Variants in MSH4 observed in about 807,000 individuals in gnomAD.
MSH4 encodes the protein mutS homolog 4, also known as mutS protein homolog 4.
In MSH4, 106 loss-of-function variants were observed where a neutral mutation model predicts 113.7. That is an observed-to-expected ratio of 0.93 (90% CI 0.80 to 1.10). The LOEUF (loss-of-function observed/expected upper bound fraction) is 1.10. MSH4 is among the 50% of genes least tolerant of loss of function. MSH4 has a pLI of 0.00. For synonymous variants in MSH4, 368 were observed against 380.2 expected, an observed-to-expected ratio of 0.97 and a Z score of 0.37; for missense variants, 1,061 against 1,093.7, an observed-to-expected ratio of 0.97 and a Z score of 0.42.
chr1:75,885,869 G>A (rs1201957547), intron 15 of MSH4, among the ~76,000 whole-genome samples: 1 of 126,940 alleles, frequency 7.9e-6, no homozygotes, highest in Non-Finnish European at 1.6e-5. Context: ...TGTATTATAT[G>A]TATTATATAG....
intron 15 of MSH4, among the ~76,000 whole-genome samples, chr1:75,885,057 G>GTATATATATA (rs1440064046): frequency 2.6e-4 from 30 of 114,518 alleles, no homozygotes; most frequent in South Asian, 1.0e-3. Flanking sequence ...GTGTGTGTGT[G>GTATATATATA]TGTATATATA....
chr1:75,852,840 T>A (rs1245248305), intron 8 of MSH4, among the ~76,000 whole-genome samples: 1 of 152,184 alleles, frequency 6.6e-6, no homozygotes, highest in East Asian at 1.9e-4. Context: ...CTTGATTATA[T>A]GCATGTTAAT....
intron 15 of MSH4, among the ~76,000 whole-genome samples, chr1:75,887,190 G>A (rs78556436): frequency 0.22 from 33,553 of 151,848 alleles, 4,360 homozygotes; most frequent in Middle Eastern, 0.35. Context: ...AGATCATGGG[G>A]GGCGGTTTCC....
At position 75,799,354 on chromosome 1, in the gene MSH4, C is replaced by T. The variant is rs566037744; in HGVS notation, c.244+2125C>T. Among the ~76,000 whole-genome samples the T allele has an allele frequency of 5.4e-4, 82 of 152,146 alleles. 1 individual carries two copies. In the South Asian group the frequency reaches 0.016, roughly 30 times the overall value. Reference sequence around the variant, plus strand: ...ACAAAGGTTCAAATTATGTTAGCAGCTGGGGATAATAATCTGTGCTCTCAA... The same window carrying T: ...ACAAAGGTTCAAATTATGTTAGCAGTTGGGGATAATAATCTGTGCTCTCAA... On this transcript the variant is annotated intron_variant, in intron 1 of 19. Transcript: ENST00000263187.
rs528644378 is a variant in MSH4, at chr1:75,834,938, A to C, written c.1162+12357A>C. On this transcript the variant is annotated intron_variant, in intron 7 of 19. Transcript: ENST00000263187. ...AAAGTATAATAATAATAACAAATGA[A>C]GTGAAAAATAAAAAGGAAAAGAAAG... is the stretch of plus-strand genomic sequence containing the variant. 3.3e-3 allele frequency among the ~76,000 whole-genome samples: 497 copies of C among 152,240 alleles called. 3 individuals are homozygous for C. Among genetic ancestry groups the C allele is most frequent in the Admixed American group, 7.6e-3 (117 of 15,302 alleles).
intron 14 of MSH4, among the ~76,000 whole-genome samples, chr1:75,883,171 A>ATTTT (rs11368450): frequency 7.4e-6 from 1 of 135,562 alleles, no homozygotes; most frequent in African/African-American, 2.8e-5. Flanking sequence ...CACCTGGCTA[A>ATTTT]TTTTTTTTTT....
At chr1:75,873,420 T>A (rs1651754086) in intron 9 of MSH4, among the ~76,000 whole-genome samples, 1 of 152,174 alleles carries the variant, frequency 6.6e-6, no homozygotes, top group South Asian at 2.1e-4. Context: ...TTTTAATTTT[T>A]ATTTTAGTTT....
At chr1:75,886,669 A>G (rs1209851529) in intron 15 of MSH4, among the ~76,000 whole-genome samples, 3 of 133,242 alleles carry the variant, frequency 2.3e-5, no homozygotes, top group African/African-American at 8.4e-5. Flanking sequence ...TATATACATT[A>G]TACATTATAT....
intron 7 of MSH4, among the ~76,000 whole-genome samples, chr1:75,827,159 G>A (rs1281447586): frequency 6.6e-6 from 1 of 152,140 alleles, no homozygotes; most frequent in African/African-American, 2.4e-5. Context: ...AACCCTACAA[G>A]CAAGAAGAGA....
chr1:75,879,365 A>G (rs1415692578), intron 12 of MSH4, among the ~76,000 whole-genome samples: 2 of 152,194 alleles, frequency 1.3e-5, no homozygotes, highest in Admixed American at 1.3e-4. Flanking sequence ...AAAAAAGGAA[A>G]ATGAAGAAAG....
At chr1:75,907,706 A>ATATATATATATATATATG (rs1430831000) in intron 19 of MSH4, among the ~76,000 whole-genome samples, 7 of 131,868 alleles carry the variant, frequency 5.3e-5, no homozygotes, top group African/African-American at 2.0e-4. Flanking sequence ...ATATATATAT[A>ATATATATATATATATATG]TATATATATA....
intron 7 of MSH4, among the ~76,000 whole-genome samples, chr1:75,836,593 TCAA>T (rs973352033): frequency 9.2e-5 from 14 of 152,296 alleles, no homozygotes; most frequent in African/African-American, 3.1e-4. Flanking sequence ...CCTAACACAG[TCAA>T]CAACAGGCAT....
intron 7 of MSH4, among the ~76,000 whole-genome samples, chr1:75,842,476 C>A (rs561586136): frequency 6.6e-6 from 1 of 152,118 alleles, no homozygotes; most frequent in Non-Finnish European, 1.5e-5. Context: ...AATAGTTATA[C>A]CAGATATAGA....
chr1:75,810,324 GC>G (rs1206688571), intron 3 of MSH4, among the ~76,000 whole-genome samples: 1 of 151,016 alleles, frequency 6.6e-6, no homozygotes, highest in South Asian at 2.1e-4. Flanking sequence ...TGCAACCTTT[GC>G]CCCCTGGGCT....
Position 75,883,636 on chromosome 1 carries a change from C to T in MSH4, c.1922C>T (p.Thr641Ile). Residue 641 changes from threonine to isoleucine, a missense_variant, in exon 15 of 20, where the codon ACT becomes ATT. By Grantham distance (89) the Thr-to-Ile change is moderately conservative (BLOSUM62 -1). Coordinates refer to ENST00000263187, the MANE Select transcript of MSH4 (RefSeq NM_002440.4). ...TTTTCTTAAGTTCGACCAGAATTTA[C>T]TGATACTTTAGCAATCAAACAGGGA... ...TLSDYVRPEF[T>I]DTLAIKQGWH... The T allele has an allele frequency of 6.2e-7, 1 of 1,610,570 alleles. No homozygotes were observed. Among genetic ancestry groups the T allele is most frequent in the South Asian group, 1.1e-5 (1 of 90,288 alleles).
At chr1:75,882,945 A>G (rs370815770) in intron 14 of MSH4, among the ~76,000 whole-genome samples, 19 of 152,278 alleles carry the variant, frequency 1.2e-4, no homozygotes, top group East Asian at 1.2e-3. Flanking sequence ...ACTCTGTATT[A>G]CCAGTAACCA....
intron 8 of MSH4, among the ~76,000 whole-genome samples, chr1:75,851,632 A>G (rs1316486219): frequency 2.0e-5 from 3 of 151,876 alleles, no homozygotes; most frequent in African/African-American, 7.3e-5. Flanking sequence ...CTGGTCTCAA[A>G]CTCCTAACCT....
intron 19 of MSH4, among the ~76,000 whole-genome samples, chr1:75,908,382 A>G (rs930856456): frequency 1.3e-5 from 2 of 152,010 alleles, no homozygotes; most frequent in Non-Finnish European, 2.9e-5. Context: ...CTGACCTCAA[A>G]TGATCTGCCC....
At chr1:75,844,527 G>C (rs1570963620) in intron 7 of MSH4, among the ~76,000 whole-genome samples, 1 of 151,824 alleles carries the variant, frequency 6.6e-6, no homozygotes, top group South Asian at 2.1e-4. Flanking sequence ...GGGTCTCACT[G>C]TGTTGCCAAG....
Sources: gnomAD v4.1 joint callset for allele counts (sites outside exome capture counted in the v4.1 genomes callset) on GRCh38, gnomAD v4.1.1 for gene constraint, MANE v1.5 for transcripts, NCBI Gene and HGNC (gene_info 2026-07-23, HGNC 2026-07-21) for gene names.